The following TMEM181 variants were observed in gnomAD, a reference collection of about 807,000 sequenced individuals.
TMEM181 encodes the protein G protein-coupled receptor 178.
A neutral mutation model predicts 71.9 loss-of-function variants in TMEM181; 39 were observed. The observed-to-expected ratio is 0.54, with a 90% CI of 0.42 to 0.71. The LOEUF (loss-of-function observed/expected upper bound fraction) is 0.71. TMEM181 is among the 30% of genes least tolerant of loss of function. The pLI, the probability that TMEM181 is intolerant of heterozygous loss-of-function variation, is 0.00. For missense variants in TMEM181, 595 were observed against 583.0 expected (o/e 1.02, Z -0.21); for synonymous variants, 245 against 228.8 (o/e 1.07, Z -0.64).
At chr6:158,603,147 CT>C (rs1784760623) in intron 6 of TMEM181, among the ~76,000 whole-genome samples, 1 of 152,042 alleles carries the variant, frequency 6.6e-6, no homozygotes, top group Non-Finnish European at 1.5e-5. Flanking sequence ...TCTTCAAATA[CT>C]TTTTTTGTCC....
chr6:158,536,650 T>C, exon 1 of TMEM181: 1 of 1,478,068 alleles, frequency 6.8e-7, no homozygotes, highest in East Asian at 2.8e-5. Flanking sequence ...AGCAGCCCGA[T>C]CCCCAGTGCT....
At chr6:158,575,041 G>A (rs1375117198) in intron 2 of TMEM181, among the ~76,000 whole-genome samples, 1 of 152,192 alleles carries the variant, frequency 6.6e-6, no homozygotes, top group Non-Finnish European at 1.5e-5. Flanking sequence ...CAATGGATTG[G>A]ATGAGGTCCA....
intron 1 of TMEM181, among the ~76,000 whole-genome samples, chr6:158,568,566 C>G (rs1000317657): frequency 6.6e-6 from 1 of 152,238 alleles, no homozygotes; most frequent in Non-Finnish European, 1.5e-5. Context: ...TTCTGCATCA[C>G]AGACTTGCCT....
intron 1 of TMEM181, among the ~76,000 whole-genome samples, chr6:158,548,222 G>A (rs1007313768): frequency 2.6e-5 from 4 of 152,052 alleles, no homozygotes; most frequent in East Asian, 3.9e-4. Flanking sequence ...TCTGGCCCAC[G>A]TGCACCCTCT....
intron 6 of TMEM181, among the ~76,000 whole-genome samples, chr6:158,592,283 T>C (rs938757714): frequency 6.6e-6 from 1 of 152,220 alleles, no homozygotes; most frequent in Admixed American, 6.5e-5. Flanking sequence ...TCTGAAATTA[T>C]GTTCATCCTT....
In TMEM181 at chr6:158,635,107, T is replaced by C. The variant is rs1786882528; in HGVS notation, c.*3219T>C. ...GTCTGTGACATCTTGTGATGCTGTTTATCTTGGTTTGACATTGGAGATACG... is the reference window on the plus strand; with the variant it reads ...GTCTGTGACATCTTGTGATGCTGTTCATCTTGGTTTGACATTGGAGATACG... On this transcript the variant is annotated 3_prime_UTR_variant, in exon 17 of 17. Coordinates refer to ENST00000684151, the MANE Select transcript of TMEM181 (RefSeq NM_001376852.1). The C allele has an allele frequency of 6.6e-6, 1 of 152,156 alleles. No individual in the cohort carries two copies. The highest frequency in any genetic ancestry group is 2.4e-5 in the African/African-American group (1 of 41,440). The allele number at this position is 152,156 out of a possible 1,614,324, so 9.4% of individuals were successfully genotyped here.
intron 8 of TMEM181, 90 bp from the exon 9 acceptor site, chr6:158,608,243 T>C (rs6910231): frequency 2.7e-5 from 21 of 787,858 alleles, no homozygotes; most frequent in Middle Eastern, 3.5e-4. Context: ...TGCTCTCTGC[T>C]AGGTGCTGAC....
chr6:158,560,201 G>C lies in TMEM181; in HGVS notation c.-24G>C, dbSNP rs1782075899. ...TGGCGGGCTCGGGACGCGCGGGCCG[G>C]GGCCGAGGGCTCTGGGCGCCGAGAT... On this transcript the variant is annotated 5_prime_UTR_variant, in exon 1 of 17. Transcript: ENST00000684151. The C allele has an allele frequency of 1.0e-6, 1 of 984,832 alleles. No individual in the cohort carries two copies. Among genetic ancestry groups the C allele is most frequent in the Non-Finnish European group, 1.2e-6 (1 of 829,766 alleles). The allele number at this position is 984,832 out of a possible 1,614,324, so 61.0% of individuals were successfully genotyped here.
chr6:158,597,369 A>C (rs139365218), intron 6 of TMEM181, among the ~76,000 whole-genome samples: 1 of 152,182 alleles, frequency 6.6e-6, no homozygotes, highest in South Asian at 2.1e-4. Context: ...TCCAGGATCC[A>C]GGCACTGGCA....
At chr6:158,586,511 A>G (rs772851092) in intron 5 of TMEM181, among the ~76,000 whole-genome samples, 3 of 152,218 alleles carry the variant, frequency 2.0e-5, no homozygotes, top group African/African-American at 4.8e-5. Context: ...GGTCTAAACC[A>G]TTGCCCAAGG....
intron 13 of TMEM181, among the ~76,000 whole-genome samples, chr6:158,626,869 CA>C (rs1786311056): frequency 1.4e-5 from 2 of 144,394 alleles, no homozygotes; most frequent in African/African-American, 5.1e-5. Context: ...CTCACACCCT[CA>C]CTCTCACACT....
chr6:158,568,875 T>C (rs1482551647), intron 1 of TMEM181, among the ~76,000 whole-genome samples: 1 of 152,234 alleles, frequency 6.6e-6, no homozygotes, highest in East Asian at 1.9e-4. Context: ...CTCAATGTTT[T>C]GTTGTTTTGC....
At chr6:158,603,333 C>G (rs1784773597) in intron 6 of TMEM181, among the ~76,000 whole-genome samples, 1 of 150,982 alleles carries the variant, frequency 6.6e-6, no homozygotes, top group Non-Finnish European at 1.5e-5. Flanking sequence ...TCATTAGATT[C>G]TCGTAAGGAG....
At chr6:158,622,528 T>G (rs1209447984) in intron 10 of TMEM181, among the ~76,000 whole-genome samples, 2 of 152,156 alleles carry the variant, frequency 1.3e-5, no homozygotes, top group Non-Finnish European at 2.9e-5. Flanking sequence ...GTGGCACACA[T>G]CCCTGGGGGG....
chr6:158,574,250 T>G (rs1783039194), intron 2 of TMEM181, among the ~76,000 whole-genome samples: 1 of 152,202 alleles, frequency 6.6e-6, no homozygotes, highest in Non-Finnish European at 1.5e-5. Context: ...CCAGAGGCAA[T>G]TTGTGCCTCA....
intron 1 of TMEM181, among the ~76,000 whole-genome samples, chr6:158,548,709 C>G (rs1781621532): frequency 1.3e-5 from 2 of 152,228 alleles, no homozygotes; most frequent in Admixed American, 1.3e-4. Context: ...GTTCAACACA[C>G]AGGGGCTTGG....
At position 158,625,143 on chromosome 6, in the gene TMEM181, A is replaced by T. The variant is rs1470234130; in HGVS notation, c.994A>T (p.Ile332Phe). ...VFFMVVAAVY[I>F]LYLLFLIVRA... ...CTTCATGGTGGTGGCAGCGGTGTAC[A>T]TTCTGTACCTCTTGTTCTTGATAGT... is the stretch of plus-strand genomic sequence containing the variant. Residue 332 changes from isoleucine (I) to phenylalanine (F), a missense_variant, in exon 12 of 17, where the codon ATT becomes TTT. By Grantham distance (21) the Ile-to-Phe change is conservative. Transcript: ENST00000684151. 6.2e-7 allele frequency: 1 copy of T among 1,614,042 alleles called. No individual in the cohort carries two copies. Among genetic ancestry groups the T allele is most frequent in the Admixed American group, 1.7e-5 (1 of 60,000 alleles).
intron 13 of TMEM181, chr6:158,628,132 A>G (rs1786434106): frequency 3.3e-6 from 2 of 602,820 alleles, no homozygotes; most frequent in South Asian, 3.2e-5. Context: ...GAGTAGGGAG[A>G]GTGTGATGGG....
At chr6:158,626,702 G>A (rs1473593392) in intron 13 of TMEM181, 7 of 457,188 alleles carry the variant, frequency 1.5e-5, no homozygotes, top group South Asian at 1.1e-4. Flanking sequence ...TCTGTTCAGT[G>A]CTAGGTGTGC....
Sources: gnomAD v4.1 joint callset for allele counts (sites outside exome capture counted in the v4.1 genomes callset) on GRCh38, gnomAD v4.1.1 for gene constraint, MANE v1.5 for transcripts, NCBI Gene and HGNC (gene_info 2026-07-23, HGNC 2026-07-21) for gene names.